Variants in GEMIN8 observed in about 807,000 individuals in gnomAD.
GEMIN8 encodes the protein gem nuclear organelle associated protein 8, also known as gem-associated protein 8.
For synonymous variants in GEMIN8, 80 were observed against 78.5 expected (o/e 1.02, Z -0.10); for missense variants, 185 against 205.9 (o/e 0.90, Z 0.62).
At chrX:14,022,179 G>A (rs1247773475) in intron 2 of GEMIN8, among the ~76,000 whole-genome samples, 2 of 107,873 alleles carry the variant, frequency 1.9e-5, no homozygotes, top group Non-Finnish European at 3.8e-5. Context: ...AATTAACCCT[G>A]GGTCTTCCTG....
At chrX:14,025,440 CCT>C (rs1399561064) in intron 2 of GEMIN8, among the ~76,000 whole-genome samples, 2 of 111,207 alleles carry the variant, frequency 1.8e-5, no homozygotes, top group East Asian at 2.8e-4. Context: ...TTTGCCCACC[CCT>C]GTTTCATGTT....
chrX:13,999,303 A>C, the GEMIN8 span, among the ~76,000 whole-genome samples: 2 of 89,802 alleles, frequency 2.2e-5, no homozygotes, highest in Admixed American at 1.3e-4. Flanking sequence ...TGAGACAGAG[A>C]TTTACTTTTG....
In GEMIN8 at chrX:14,016,864, A is replaced by T. The variant is rs868216880; in HGVS notation, c.472+3214T>A. Among the ~76,000 whole-genome samples, 274 of 73,968 alleles carry T rather than the reference A, an allele frequency of 3.7e-3. 6 individuals carry two copies. The East Asian group carries it at 0.048, about 13-fold the overall frequency. The allele number at this position is 73,968 out of a possible 115,157, so 64.2% of individuals were successfully genotyped here. A position where few individuals can be genotyped will look rare whatever the true frequency, so the allele number is the denominator to read the frequency against. On this transcript the variant is annotated intron_variant, in intron 4 of 4. Coordinates refer to ENST00000680255, the MANE Select transcript of GEMIN8 (RefSeq NM_001042479.2). ...TGTCTCAAAAAAAAAAAAAAAAAAA[A>T]AAATATATATATATATATATATATA...
At chrX:13,993,597 T>A in the GEMIN8 span, among the ~76,000 whole-genome samples, 7 of 108,071 alleles carry the variant, frequency 6.5e-5, no homozygotes, top group East Asian at 2.9e-4. Flanking sequence ...ACAAAAAAAA[T>A]TTTTTTTATA....
At chrX:14,025,636 C>T (rs903664333) in intron 2 of GEMIN8, among the ~76,000 whole-genome samples, 2 of 111,425 alleles carry the variant, frequency 1.8e-5, no homozygotes, top group Non-Finnish European at 3.8e-5. Context: ...TCATGTTGAC[C>T]GGTTGCTAAT....
intron 2 of GEMIN8, among the ~76,000 whole-genome samples, chrX:14,024,971 CTG>C (rs1392150742): frequency 2.7e-5 from 3 of 111,830 alleles, no homozygotes; most frequent in East Asian, 2.8e-4. Context: ...TGTATGTAGA[CTG>C]TGCTCATCTC....
chrX:13,986,898 G>GC, the GEMIN8 span, among the ~76,000 whole-genome samples: 4 of 112,610 alleles, frequency 3.6e-5, no homozygotes, highest in Admixed American at 9.4e-5. Flanking sequence ...CAACAAGAAA[G>GC]TATTCACTAG....
chrX:14,009,025 C>G lies in GEMIN8; in HGVS notation c.617G>C (p.Gly206Ala). The change falls in exon 5 of 5, where the codon GGG becomes GCG. Residue 206 changes from glycine to alanine, a missense_variant. By Grantham distance (60) the Gly-to-Ala change is moderately conservative (BLOSUM62 0). Coordinates refer to ENST00000680255, the MANE Select transcript of GEMIN8 (RefSeq NM_001042479.2). ...RRQAEMKRLY[G>A]DSAAKIQAME... ...GGCTTGGATCTTGGCAGCACTGTCC[C>G]CGTACAAACGCTTCATCTCGGCCTG... 8.3e-7 allele frequency: 1 copy of G among 1,211,835 alleles called. No individual in the cohort carries two copies. The highest frequency in any genetic ancestry group is 1.1e-6 in the Non-Finnish European group (1 of 895,373).
intron 4 of GEMIN8, among the ~76,000 whole-genome samples, chrX:14,011,678 A>G (rs1055225287): frequency 9.1e-6 from 1 of 109,718 alleles, no homozygotes; most frequent in Non-Finnish European, 1.9e-5. Context: ...CAAGACTATA[A>G]TCAGCTTCAC....
chrX:14,025,005 T>A lies in GEMIN8; in HGVS notation c.-34+1135A>T, dbSNP rs1924601446. ...TCTCACTCTTGGCTTTATTATTTTC[T>A]CTCCCTAAATCCCAAAATGTACTTG... On this transcript the variant is annotated intron_variant, in intron 2 of 4. Coordinates refer to ENST00000680255, the MANE Select transcript of GEMIN8 (RefSeq NM_001042479.2). Among the ~76,000 whole-genome samples the A allele has an allele frequency of 2.7e-5, 3 of 111,773 alleles. No individual in the cohort carries two copies. In the South Asian group the frequency reaches 1.1e-3, roughly 41 times the overall value.
intron 1 of GEMIN8, among the ~76,000 whole-genome samples, chrX:14,028,620 A>T (rs1264657304): frequency 1.5e-5 from 1 of 66,204 alleles, no homozygotes; most frequent in Non-Finnish European, 3.6e-5. Flanking sequence ...CCTATCCTTT[A>T]AAAAAAAACC....
At chrX:14,011,706 C>T (rs1923562336) in intron 4 of GEMIN8, among the ~76,000 whole-genome samples, 1 of 109,948 alleles carries the variant, frequency 9.1e-6, no homozygotes, top group African/African-American at 3.3e-5. Flanking sequence ...TCTGGTGACA[C>T]AAGACATGTT....
chrX:13,986,767 T>C, the GEMIN8 span, among the ~76,000 whole-genome samples: 3 of 111,886 alleles, frequency 2.7e-5, no homozygotes, highest in Admixed American at 1.9e-4. Flanking sequence ...CCAAGGTTTC[T>C]ACTACTATGG....
intron 3 of GEMIN8, 43 bp downstream of exon 3, chrX:14,021,421 T>C (rs1319308306): frequency 1.3e-6 from 1 of 767,845 alleles, no homozygotes; most frequent in East Asian, 3.2e-5. Flanking sequence ...TTACCTTTTT[T>C]ACTTACGAGC....
the GEMIN8 span, among the ~76,000 whole-genome samples, chrX:13,987,680 G>A: frequency 8.9e-6 from 1 of 111,973 alleles, no homozygotes; most frequent in Admixed American, 9.5e-5. Flanking sequence ...CTAATGTATG[G>A]GGAACACCCT....
At chrX:13,996,146 A>G in the GEMIN8 span, among the ~76,000 whole-genome samples, 3 of 111,893 alleles carry the variant, frequency 2.7e-5, no homozygotes. Flanking sequence ...AAGAGAAATC[A>G]TAGAACCTAC....
chrX:14,005,641 T>C (rs1313611948), downstream of GEMIN8, among the ~76,000 whole-genome samples: 1 of 112,256 alleles, frequency 8.9e-6, no homozygotes, highest in Admixed American at 9.4e-5. Flanking sequence ...GTGGGAACCC[T>C]AATTGATAGC....
intron 1 of GEMIN8, among the ~76,000 whole-genome samples, chrX:14,028,740 T>C (rs1319596656): frequency 8.9e-6 from 1 of 112,702 alleles, no homozygotes; most frequent in African/African-American, 3.2e-5. Context: ...AGGGGATTTA[T>C]ACACCTGTGA....
In GEMIN8 at chrX:14,006,771, G is replaced by A. The variant is rs1191439760; in HGVS notation, c.*2142C>T. Among the ~76,000 whole-genome samples, 1 of 111,879 alleles carries A rather than the reference G, an allele frequency of 8.9e-6. No homozygotes were observed. Among genetic ancestry groups the A allele is most frequent in the Non-Finnish European group, 1.9e-5 (1 of 53,198 alleles). On this transcript the variant is annotated 3_prime_UTR_variant, in exon 5 of 5. Transcript: ENST00000680255. ...GAGTATTTACCGTGTAGCCAGCACT[G>A]TTTTACAGGCACTACTCAATGTGGT...
Sources: gnomAD v4.1 joint callset for allele counts (sites outside exome capture counted in the v4.1 genomes callset) on GRCh38, gnomAD v4.1.1 for gene constraint, MANE v1.5 for transcripts, NCBI Gene and HGNC (gene_info 2026-07-23, HGNC 2026-07-21) for gene names.